The following AKT3 variants were observed in gnomAD, a reference collection of about 807,000 sequenced individuals.
The protein encoded by AKT3 is RAC-gamma serine/threonine-protein kinase.
Under a neutral mutation model 65.3 loss-of-function variants are expected in AKT3, and 15 were observed. The observed-to-expected ratio is 0.23, with a 90% CI of 0.15 to 0.35. The LOEUF (loss-of-function observed/expected upper bound fraction) is 0.35. Among genes scored for constraint, AKT3 ranks in the 10% least tolerant of loss-of-function variants. The pLI, the probability that AKT3 is intolerant of heterozygous loss-of-function variation, is 1.00. For synonymous variants in AKT3, 206 were observed against 183.8 expected, an observed-to-expected ratio of 1.12 and a Z score of -0.98; for missense variants, 243 against 576.5, an observed-to-expected ratio of 0.42 and a Z score of 5.92.
At chr1:243,515,044 A>T (rs1207490662) in intron 12 of AKT3, among the ~76,000 whole-genome samples, 2 of 152,198 alleles carry the variant, frequency 1.3e-5, no homozygotes, top group African/African-American at 4.8e-5. Context: ...ATGCAAATGG[A>T]TCATAGAGTA....
chr1:243,653,422 G>A (rs930157327), intron 4 of AKT3, among the ~76,000 whole-genome samples: 23 of 152,304 alleles, frequency 1.5e-4, no homozygotes, highest in African/African-American at 5.5e-4. Flanking sequence ...GAGGTACAAA[G>A]AGGAGCTGGT....
At chr1:243,686,787 C>A (rs1684357993) in intron 3 of AKT3, among the ~76,000 whole-genome samples, 1 of 147,156 alleles carries the variant, frequency 6.8e-6, no homozygotes, top group South Asian at 2.2e-4. Flanking sequence ...CCTGCTTCAG[C>A]CCAGTAGCTG....
intron 1 of AKT3, among the ~76,000 whole-genome samples, chr1:243,845,588 C>CAAAAAAAAAAAAAAAA (rs10648820): frequency 4.4e-4 from 35 of 79,206 alleles, no homozygotes; most frequent in Non-Finnish European, 6.4e-4. Flanking sequence ...GAACCTGTCT[C>CAAAAAAAAAAAAAAAA]AAAAAAAAAA....
At chr1:243,796,689 G>T (rs771019941) in intron 2 of AKT3, among the ~76,000 whole-genome samples, 1 of 152,018 alleles carries the variant, frequency 6.6e-6, no homozygotes, top group East Asian at 1.9e-4. Flanking sequence ...TCCTCTGCTT[G>T]TAACGTTCTT....
chr1:243,534,034 G>A (rs905945512), intron 12 of AKT3, among the ~76,000 whole-genome samples: 4 of 151,910 alleles, frequency 2.6e-5, no homozygotes, highest in Admixed American at 6.6e-5. Context: ...AAATCCAACT[G>A]TATCAATTAT....
intron 1 of AKT3, among the ~76,000 whole-genome samples, chr1:243,844,654 A>AT (rs1435525296): frequency 6.6e-6 from 1 of 152,080 alleles, no homozygotes; most frequent in African/African-American, 2.4e-5. Context: ...TTTAAAAAAA[A>AT]TTTTTGTGGA....
intron 12 of AKT3, among the ~76,000 whole-genome samples, chr1:243,533,356 A>C (rs1671675641): frequency 6.6e-6 from 1 of 152,232 alleles, no homozygotes; most frequent in Non-Finnish European, 1.5e-5. Flanking sequence ...GATAAAAGCA[A>C]GCCATTAAGC....
chr1:243,580,168 A>T (rs1675225167), intron 8 of AKT3, among the ~76,000 whole-genome samples: 1 of 152,200 alleles, frequency 6.6e-6, no homozygotes. Flanking sequence ...TACTGGAATC[A>T]TGACGTACAC....
intron 2 of AKT3, among the ~76,000 whole-genome samples, chr1:243,765,068 A>C (rs1247762885): frequency 1.3e-5 from 2 of 152,246 alleles, no homozygotes; most frequent in East Asian, 3.8e-4. Context: ...CCACTTATTG[A>C]TACATCATTT....
intron 2 of AKT3, among the ~76,000 whole-genome samples, chr1:243,733,650 A>G (rs1040167251): frequency 3.9e-5 from 6 of 152,228 alleles, no homozygotes; most frequent in African/African-American, 1.4e-4. Flanking sequence ...AGACCTCTAC[A>G]ATAAATATGG....
chr1:243,530,104 T>A (rs758103000), intron 12 of AKT3, among the ~76,000 whole-genome samples: 4 of 152,202 alleles, frequency 2.6e-5, no homozygotes, highest in Non-Finnish European at 4.4e-5. Flanking sequence ...TCAGCTTAGA[T>A]GTTGTTGTTG....
At chr1:243,734,773 T>C (rs1368597742) in intron 2 of AKT3, among the ~76,000 whole-genome samples, 24 of 152,248 alleles carry the variant, frequency 1.6e-4, no homozygotes. Context: ...TTTTACTTCA[T>C]AAACTGTTTA....
At chr1:243,640,413 G>A (rs1680286566) in intron 5 of AKT3, among the ~76,000 whole-genome samples, 1 of 152,150 alleles carries the variant, frequency 6.6e-6, no homozygotes, top group South Asian at 2.1e-4. Flanking sequence ...TCTCTCCCCG[G>A]GCTAACCCTG....
intron 2 of AKT3, among the ~76,000 whole-genome samples, chr1:243,699,512 T>TATAA (rs1253293936): frequency 9.5e-5 from 12 of 126,594 alleles, no homozygotes; most frequent in African/African-American, 3.7e-4. Context: ...TATATATATA[T>TATAA]AATCTTCATG....
At position 243,501,244 on chromosome 1, in the gene AKT3, G is replaced by C. The variant is rs138661915; in HGVS notation, c.*4005C>G. On this transcript the variant is annotated 3_prime_UTR_variant, in exon 14 of 14. Transcript: ENST00000673466. ...TCCAGAATGATTCAACGTGAAGTCA[G>C]ACTGCAGTCCAGCCATCCTACCCAT... The C allele has an allele frequency of 1.3e-3, 314 of 232,972 alleles. No individual in the cohort carries two copies. In the Middle Eastern group the frequency reaches 0.014, roughly 10 times the overall value. The allele number at this position is 232,972 out of a possible 1,614,324, so 14.4% of individuals were successfully genotyped here. A position where few individuals can be genotyped will look rare whatever the true frequency, so the allele number is the denominator to read the frequency against.
chr1:243,676,239 C>T (rs926417130), intron 3 of AKT3, among the ~76,000 whole-genome samples: 11 of 152,114 alleles, frequency 7.2e-5, no homozygotes, highest in Non-Finnish European at 1.2e-4. Flanking sequence ...AGATTACCTT[C>T]GGGAAGAGTA....
chr1:243,780,700 A>C (rs1257156963), intron 2 of AKT3, among the ~76,000 whole-genome samples: 1 of 151,958 alleles, frequency 6.6e-6, no homozygotes, highest in Non-Finnish European at 1.5e-5. Context: ...TTAAAATTTG[A>C]GTAATGAGCA....
chr1:243,730,241 T>A (rs1042499030), intron 2 of AKT3, among the ~76,000 whole-genome samples: 3 of 152,166 alleles, frequency 2.0e-5, no homozygotes, highest in African/African-American at 7.2e-5. Flanking sequence ...AACCCCAGCT[T>A]CAGCTGGACT....
chr1:243,820,318 G>A (rs975845741), intron 2 of AKT3, among the ~76,000 whole-genome samples: 13 of 152,140 alleles, frequency 8.5e-5, no homozygotes, highest in South Asian at 4.1e-4. Context: ...CTCAAAGATC[G>A]AAGCTGGATA....
Sources: gnomAD v4.1 joint callset for allele counts (sites outside exome capture counted in the v4.1 genomes callset) on GRCh38, gnomAD v4.1.1 for gene constraint, MANE v1.5 for transcripts, NCBI Gene and HGNC (gene_info 2026-07-23, HGNC 2026-07-21) for gene names.